The following DCT variants were observed in gnomAD, a reference collection of about 807,000 sequenced individuals.
DCT encodes the protein dopachrome tautomerase.
In DCT, 47 loss-of-function variants were observed where a neutral mutation model predicts 53.0. The observed-to-expected ratio is 0.89, with a 90% CI of 0.70 to 1.13. The LOEUF (loss-of-function observed/expected upper bound fraction) is 1.13, where lower values mean the gene tolerates loss of function less well. Among genes scored for constraint, DCT ranks in the 50% most tolerant of loss-of-function variants. DCT has a pLI of 0.00. For synonymous variants in DCT, 244 were observed against 237.0 expected (o/e 1.03, Z -0.27); for missense variants, 669 against 637.4 (o/e 1.05, Z -0.53).
chr13:94,541,515 GA>G, the DCT span, among the ~76,000 whole-genome samples: 13 of 138,152 alleles, frequency 9.4e-5, no homozygotes, highest in East Asian at 4.3e-4. Flanking sequence ...AAAAAAAAAA[GA>G]AAAAAAAAAG....
chr13:94,440,670 T>A (rs970514967), intron 7 of DCT, among the ~76,000 whole-genome samples: 2 of 132,834 alleles, frequency 1.5e-5, no homozygotes, highest in East Asian at 4.0e-4. Context: ...TGGATTTCAT[T>A]TTTTGGTTTT....
chr13:94,463,666 AG>A (rs1353057644), intron 4 of DCT, among the ~76,000 whole-genome samples: 1 of 152,176 alleles, frequency 6.6e-6, no homozygotes, highest in African/African-American at 2.4e-5. Context: ...CCTGGCCTCA[AG>A]TGATCCCCCT....
At chr13:94,466,455 T>C (rs1884224958) in intron 3 of DCT, 103 bp downstream of exon 3, 1 of 630,190 alleles carries the variant, frequency 1.6e-6, no homozygotes. Context: ...TTATCTTGTA[T>C]GAGTATCAAG....
the DCT span, among the ~76,000 whole-genome samples, chr13:94,492,703 G>C: frequency 3.9e-5 from 6 of 152,080 alleles, no homozygotes; most frequent in East Asian, 1.2e-3. Flanking sequence ...AAGAAACATT[G>C]ATTTTAGAAA....
the DCT span, among the ~76,000 whole-genome samples, chr13:94,511,492 TG>T: frequency 3.3e-5 from 5 of 151,902 alleles, no homozygotes; most frequent in Non-Finnish European, 5.9e-5. Context: ...CCCAAGTAGC[TG>T]GGACTACAGG....
At chr13:94,506,431 C>T in the DCT span, among the ~76,000 whole-genome samples, 32 of 152,004 alleles carry the variant, frequency 2.1e-4, no homozygotes, top group East Asian at 6.0e-3. Context: ...TGAAGAGCCC[C>T]CAGTGGTAAA....
intron 6 of DCT, among the ~76,000 whole-genome samples, chr13:94,447,072 C>T (rs148100717): frequency 6.6e-6 from 1 of 152,236 alleles, no homozygotes; most frequent in African/African-American, 2.4e-5. Flanking sequence ...GAATAAAAGG[C>T]ACAAAAGTGT....
At chr13:94,466,702 T>C (rs1231644612) in intron 2 of DCT, 44 bp from the exon 3 acceptor site, 1 of 1,346,906 alleles carries the variant, frequency 7.4e-7, no homozygotes, top group Admixed American at 2.1e-5. Context: ...GAATAGAATT[T>C]TTTAAAATGT....
In DCT at chr13:94,477,752, A is replaced by G. The variant is rs576582735; in HGVS notation, c.295+1209T>C. Among the ~76,000 whole-genome samples the G allele has an allele frequency of 1.1e-4, 16 of 152,340 alleles. No homozygotes were observed. The South Asian group carries it at 3.1e-3, about 30-fold the overall frequency. On this transcript the variant is annotated intron_variant, in intron 1 of 7. Coordinates refer to ENST00000377028, the MANE Select transcript of DCT (RefSeq NM_001922.5). The stretch of plus-strand genomic sequence containing the variant: ...CCTATTCAACCCCTTATGAAGCTCA[A>G]TGACCTATATCCTCCTATGTTCCAG...
At chr13:94,537,293 T>C in the DCT span, among the ~76,000 whole-genome samples, 1 of 152,250 alleles carries the variant, frequency 6.6e-6, no homozygotes, top group African/African-American at 2.4e-5. Context: ...CTCTAGAAAG[T>C]TCTTCAAACC....
At chr13:94,503,047 C>T in the DCT span, among the ~76,000 whole-genome samples, 3 of 152,174 alleles carry the variant, frequency 2.0e-5, no homozygotes, top group African/African-American at 7.2e-5. Flanking sequence ...GCCCTGGGAC[C>T]TGTGAATGTC....
At chr13:94,483,115 T>C (rs533977679), upstream of DCT, among the ~76,000 whole-genome samples, 13 of 150,874 alleles carry the variant, frequency 8.6e-5, no homozygotes, top group South Asian at 2.7e-3. Flanking sequence ...CTCTACTAAA[T>C]ATACAAAAAT....
chr13:94,460,112 G>T lies in DCT; in HGVS notation c.1158C>A (p.Ala386=). The T allele has an allele frequency of 1.9e-6, 3 of 1,613,960 alleles. No individual in the cohort carries two copies. Among genetic ancestry groups the T allele is most frequent in the Non-Finnish European group, 2.5e-6 (3 of 1,179,968 alleles). The change falls in exon 6 of 8, where the codon GCC becomes GCA. Residue 386 remains alanine, a synonymous_variant. Transcript: ENST00000377028. ...LNGTNALPHS[A]ANDPIFVVLH... ...ATACCACAAAAATGGGATCATTGGCGGCTGAATGTGGCAAAGCGTTTGTCC... is the reference window on the plus strand; with the variant it reads ...ATACCACAAAAATGGGATCATTGGCTGCTGAATGTGGCAAAGCGTTTGTCC...
intron 6 of DCT, among the ~76,000 whole-genome samples, chr13:94,456,329 T>C (rs1566821992): frequency 6.6e-6 from 1 of 152,184 alleles, no homozygotes; most frequent in Non-Finnish European, 1.5e-5. Context: ...AGAAAGCTAC[T>C]TCACACCCAT....
the DCT span, among the ~76,000 whole-genome samples, chr13:94,499,392 A>C: frequency 6.9e-4 from 105 of 152,202 alleles, no homozygotes; most frequent in Non-Finnish European, 1.3e-3. Context: ...AGCATAAAGA[A>C]GACTAAAAGC....
At chr13:94,485,105 G>A in the DCT span, among the ~76,000 whole-genome samples, 17 of 128,176 alleles carry the variant, frequency 1.3e-4, no homozygotes, top group East Asian at 2.7e-4. Flanking sequence ...AAACAAAAGC[G>A]TCTCACTCTG....
At chr13:94,519,041 C>T in the DCT span, among the ~76,000 whole-genome samples, 4 of 152,140 alleles carry the variant, frequency 2.6e-5, no homozygotes, top group Admixed American at 6.6e-5. Context: ...TTGCCCCCTC[C>T]GCCTAACCTG....
the DCT span, among the ~76,000 whole-genome samples, chr13:94,529,463 AT>A: frequency 1.3e-5 from 2 of 152,240 alleles, no homozygotes; most frequent in African/African-American, 4.8e-5. Flanking sequence ...GGGCAATCAA[AT>A]TAGAACTGAG....
chr13:94,505,553 G>T, the DCT span, among the ~76,000 whole-genome samples: 1 of 152,284 alleles, frequency 6.6e-6, no homozygotes, highest in South Asian at 2.1e-4. Context: ...CTGTTATCCT[G>T]GTTTCCATGG....
Sources: allele counts gnomAD v4.1 joint callset (sites outside exome capture counted in the v4.1 genomes callset), GRCh38; gene constraint gnomAD v4.1.1; transcripts MANE v1.5; gene names NCBI Gene and HGNC (gene_info 2026-07-23, HGNC 2026-07-21).